The following CAST variants were observed in gnomAD, a reference collection of about 807,000 sequenced individuals.
CAST encodes the protein MIR583 host.
Under a neutral mutation model 119.6 loss-of-function variants are expected in CAST, and 76 were observed. The ratio of observed to expected loss-of-function variants is 0.64; its 90% CI spans 0.53 to 0.77. The LOEUF (loss-of-function observed/expected upper bound fraction) is 0.77, where lower values mean the gene tolerates loss of function less well. Ranked by LOEUF, CAST falls within the 30% of genes least tolerant of loss-of-function variation. The pLI is 0.00. For missense variants in CAST, 953 were observed against 946.5 expected (o/e 1.01, Z -0.09); for synonymous variants, 319 against 331.6 (o/e 0.96, Z 0.41).
intron 1 of CAST, among the ~76,000 whole-genome samples, chr5:96,532,041 C>G (rs1397991512): frequency 2.6e-5 from 4 of 152,058 alleles, no homozygotes; most frequent in African/African-American, 9.7e-5. Flanking sequence ...TTGCTTGAGC[C>G]CAGGAGTTTG....
At chr5:96,371,424 T>C in the CAST span, among the ~76,000 whole-genome samples, 6 of 152,188 alleles carry the variant, frequency 3.9e-5, no homozygotes, top group Admixed American at 2.0e-4. Flanking sequence ...GGGCAGAGGC[T>C]TAGCATATTC....
chr5:96,297,211 G>A, the CAST span, among the ~76,000 whole-genome samples: 1 of 152,166 alleles, frequency 6.6e-6, no homozygotes, highest in East Asian at 1.9e-4. Context: ...GGAAAGTTTT[G>A]AGCAGGGAAT....
chr5:96,419,449 A>C, the CAST span, among the ~76,000 whole-genome samples: 11,826 of 148,212 alleles, frequency 0.08, 550 homozygotes, highest in African/African-American at 0.1. Context: ...CTCTCTCTCT[A>C]TATATATATA....
the CAST span, among the ~76,000 whole-genome samples, chr5:96,229,766 A>G: frequency 2.0e-5 from 3 of 152,186 alleles, no homozygotes; most frequent in African/African-American, 7.2e-5. Context: ...TCTTCTTTAC[A>G]TAATATAAGA....
At chr5:96,236,497 C>A in the CAST span, among the ~76,000 whole-genome samples, 1 of 152,116 alleles carries the variant, frequency 6.6e-6, no homozygotes, top group Non-Finnish European at 1.5e-5. Context: ...TTCCTTTGCC[C>A]AGCATGAGTG....
chr5:96,608,883 G>A (rs261207), intron 1 of CAST, among the ~76,000 whole-genome samples: 52,494 of 151,928 alleles, frequency 0.35, 10,369 homozygotes, highest in Admixed American at 0.44. Flanking sequence ...CAGATCTCGT[G>A]AGAATTTACT....
chr5:96,340,714 G>C, the CAST span, among the ~76,000 whole-genome samples: 1 of 152,200 alleles, frequency 6.6e-6, no homozygotes, highest in Non-Finnish European at 1.5e-5. Context: ...TTCAAAGGAG[G>C]ATGTTGCTTC....
At position 96,747,365 on chromosome 5, in the gene CAST, A is replaced by G. The variant is rs779611618; in HGVS notation, c.1305A>G (p.Leu435=). 1 of 1,598,456 alleles carries G rather than the reference A, an allele frequency of 6.3e-7. No individual in the cohort carries two copies. Among genetic ancestry groups the G allele is most frequent in the Non-Finnish European group, 8.6e-7 (1 of 1,166,710 alleles). The change falls in exon 18 of 32, where the codon CTA becomes CTG. Residue 435 remains leucine, a synonymous_variant. Coordinates refer to ENST00000675179, the MANE Select transcript of CAST (RefSeq NM_001750.7). ...TACAGGATAAAGATGGAAAACCACT[A>G]TTGCCAGAGCCTGAAGAAAAACCCA... ...KPATDKDGKP[L]LPEPEEKPKP...
chr5:96,615,607 G>C (rs1993457), intron 1 of CAST, among the ~76,000 whole-genome samples: 40,158 of 152,136 alleles, frequency 0.26, 6,254 homozygotes, highest in African/African-American at 0.43. Context: ...CCCAGGGAAG[G>C]AGGCCAGGGA....
chr5:96,674,897 T>G (rs867085921), intron 1 of CAST, among the ~76,000 whole-genome samples: 1 of 152,224 alleles, frequency 6.6e-6, no homozygotes, highest in Non-Finnish European at 1.5e-5. Flanking sequence ...CCAATGTATA[T>G]TCAAAACATC....
chr5:96,414,136 C>CT, the CAST span, among the ~76,000 whole-genome samples: 1 of 133,392 alleles, frequency 7.5e-6, no homozygotes, highest in South Asian at 2.3e-4. Flanking sequence ...GAGACTCTGT[C>CT]TAAAAAAAAA....
intron 3 of CAST, among the ~76,000 whole-genome samples, chr5:96,701,841 G>A (rs1271112263): frequency 6.6e-6 from 1 of 151,720 alleles, no homozygotes; most frequent in African/African-American, 2.4e-5. Flanking sequence ...AGGGTCTTCT[G>A]CTCTGGAAAT....
At chr5:96,155,454 C>T in the CAST span, among the ~76,000 whole-genome samples, 2 of 152,182 alleles carry the variant, frequency 1.3e-5, no homozygotes, top group Non-Finnish European at 2.9e-5. Context: ...GTTGAGTATA[C>T]ATTTTAAAAT....
the CAST span, among the ~76,000 whole-genome samples, chr5:96,136,099 G>A: frequency 2.0e-5 from 3 of 152,102 alleles, no homozygotes; most frequent in Non-Finnish European, 2.9e-5. Context: ...CAATGTCTAC[G>A]TAAATTATTT....
At chr5:96,641,431 G>T (rs1747948284) in intron 1 of CAST, among the ~76,000 whole-genome samples, 1 of 145,084 alleles carries the variant, frequency 6.9e-6, no homozygotes, top group Non-Finnish European at 1.5e-5. Context: ...GGGATGTGGG[G>T]TCAGTATGGG....
chr5:96,022,653 G>A, the CAST span, among the ~76,000 whole-genome samples: 1 of 152,294 alleles, frequency 6.6e-6, no homozygotes, highest in African/African-American at 2.4e-5. Flanking sequence ...CTCTGTGTCA[G>A]TCAGGGTTCT....
chr5:96,512,097 G>A, the CAST span, among the ~76,000 whole-genome samples: 1 of 152,198 alleles, frequency 6.6e-6, no homozygotes, highest in African/African-American at 2.4e-5. Flanking sequence ...CACTAAAGCA[G>A]TGTTTGATAT....
chr5:96,187,106 A>G, the CAST span, among the ~76,000 whole-genome samples: 1 of 151,926 alleles, frequency 6.6e-6, no homozygotes, highest in African/African-American at 2.4e-5. Context: ...GAGTTTATTC[A>G]TTTCTTCTAG....
At chr5:96,748,109 A>G (rs1764167080) in intron 18 of CAST, among the ~76,000 whole-genome samples, 1 of 152,254 alleles carries the variant, frequency 6.6e-6, no homozygotes, top group Non-Finnish European at 1.5e-5. Context: ...AAAATCCTGC[A>G]TAATCATAGA....
Sources: gnomAD v4.1 joint callset for allele counts (sites outside exome capture counted in the v4.1 genomes callset) on GRCh38, gnomAD v4.1.1 for gene constraint, MANE v1.5 for transcripts, NCBI Gene and HGNC (gene_info 2026-07-23, HGNC 2026-07-21) for gene names.